Variants in MAP2K5 observed in about 807,000 individuals in gnomAD.
MAP2K5 encodes the protein mitogen-activated protein kinase kinase 5.
A neutral mutation model predicts 83.1 loss-of-function variants in MAP2K5; 49 were observed. The ratio of observed to expected loss-of-function variants is 0.59; its 90% CI spans 0.47 to 0.75. The LOEUF (loss-of-function observed/expected upper bound fraction) is 0.75, where lower values mean the gene tolerates loss of function less well. Ranked by LOEUF, MAP2K5 falls within the 30% of genes least tolerant of loss-of-function variation. The probability of loss-of-function intolerance (pLI) is 0.00; values close to 1 mark genes in which losing one functional copy is unlikely to be tolerated. For missense variants in MAP2K5, 457 were observed against 557.5 expected (o/e 0.82, Z 1.82); for synonymous variants, 202 against 191.8 (o/e 1.05, Z -0.44).
Position 67,715,243 on chromosome 15 carries a change from G to T in MAP2K5, c.1044+11835G>T, listed in dbSNP as rs375969304. ...TCTTTTTTTTGGGCGGGGAGGGGGG[G>T]GGTCTAAAATTGTGTGTAACTTAAT... On this transcript the variant is annotated intron_variant, in intron 16 of 21. Transcript: ENST00000178640. Among the ~76,000 whole-genome samples the T allele has an allele frequency of 8.9e-3, 1,304 of 146,688 alleles. 24 individuals are homozygous for T. Among genetic ancestry groups the T allele is most frequent in the African/African-American group, 0.031 (1,232 of 39,906 alleles).
intron 17 of MAP2K5, 71 bp downstream of exon 17, chr15:67,728,016 T>C: frequency 8.1e-7 from 1 of 1,241,442 alleles, no homozygotes; most frequent in East Asian, 2.3e-5. Context: ...AGGGAGCAAT[T>C]GTGAACATTT....
chr15:67,553,708 T>G (rs2140950196), intron 2 of MAP2K5, among the ~76,000 whole-genome samples: 1 of 151,592 alleles, frequency 6.6e-6, no homozygotes, highest in Non-Finnish European at 1.5e-5. Flanking sequence ...GGTCAGGAGA[T>G]CGAGACCATC....
rs1269282597 is a variant in MAP2K5 at position 67,665,512 on chromosome 15, T to G, written c.847+867T>G. Among the ~76,000 whole-genome samples the G allele has an allele frequency of 2.0e-5, 3 of 152,216 alleles. No homozygotes were observed. The highest frequency in any genetic ancestry group is 2.9e-5 in the Non-Finnish European group (2 of 68,016). On this transcript the variant is annotated intron_variant, in intron 13 of 21. Transcript: ENST00000178640. The surrounding 1 kb of genome is among the most constrained non-coding windows in gnomAD (Gnocchi z 4.2). ...AGGAAAGTTTTTTCTTTTAAGGATA[T>G]AAACTGTGAGATGGAGAAAACAACT...
rs932699286 is a variant in MAP2K5, at chr15:67,607,715, A to T, written c.545+6966A>T. Reference sequence around the variant, plus strand: ...TTGAAAGACACTAAATTTCATTTTTAAAAATCTCATTTATTTAGCCTTTTT... The same window carrying T: ...TTGAAAGACACTAAATTTCATTTTTTAAAATCTCATTTATTTAGCCTTTTT... On this transcript the variant is annotated intron_variant, in intron 8 of 21. Coordinates refer to ENST00000178640, the MANE Select transcript of MAP2K5 (RefSeq NM_145160.3). Among the ~76,000 whole-genome samples, 10 of 152,348 alleles carry T rather than the reference A, an allele frequency of 6.6e-5. No individual in the cohort carries two copies. In the East Asian group the frequency reaches 1.9e-3, roughly 29 times the overall value.
intron 19 of MAP2K5, among the ~76,000 whole-genome samples, chr15:67,765,937 T>C (rs550973445): frequency 6.6e-6 from 1 of 152,366 alleles, no homozygotes; most frequent in Non-Finnish European, 1.5e-5. Flanking sequence ...GTTTCAGTTG[T>C]AATGGGTTGA....
At chr15:67,628,531 A>G (rs2086381380) in intron 8 of MAP2K5, 1 of 833,888 alleles carries the variant, frequency 1.2e-6, no homozygotes, top group African/African-American at 1.7e-5. Context: ...ATATCACCTA[A>G]GAGATTATTT....
rs1173221037 is a variant in MAP2K5 at position 67,777,985 on chromosome 15, G to T, written c.1242+5233G>T. On this transcript the variant is annotated intron_variant, in intron 21 of 21. Transcript: ENST00000178640. The surrounding 1 kb of genome is among the most constrained non-coding windows in gnomAD (Gnocchi z 6.0). ...GTTGGCATGGGTCCTAGAAGGCGGG[G>T]TATCAGTTAAAATCAGAATAGCGCT... Among the ~76,000 whole-genome samples, 1 of 152,196 alleles carries T rather than the reference G, an allele frequency of 6.6e-6. No homozygotes were observed. Among genetic ancestry groups the T allele is most frequent in the Admixed American group, 6.5e-5 (1 of 15,280 alleles).
intron 13 of MAP2K5, among the ~76,000 whole-genome samples, chr15:67,667,462 A>G (rs907065683): frequency 1.2e-4 from 19 of 152,192 alleles, no homozygotes; most frequent in African/African-American, 4.3e-4. Context: ...CACATTGTCA[A>G]ATCAAAAACA....
intron 17 of MAP2K5, among the ~76,000 whole-genome samples, chr15:67,729,036 CACTTTTCAAATTCATAG>C (rs953360007): frequency 1.2e-4 from 19 of 152,222 alleles, no homozygotes; most frequent in Admixed American, 1.1e-3. Flanking sequence ...GTGTTAGTCT[CACTTTTCAAATTCATAG>C]ACTTTTTTGT....
intron 20 of MAP2K5, among the ~76,000 whole-genome samples, chr15:67,771,051 C>T (rs889507793): frequency 2.2e-4 from 34 of 152,138 alleles, no homozygotes; most frequent in African/African-American, 7.5e-4. Context: ...TTTGAAGCTC[C>T]TTAATGATGT....
intron 19 of MAP2K5, among the ~76,000 whole-genome samples, chr15:67,759,533 C>T (rs1417774333): frequency 6.8e-6 from 1 of 147,680 alleles, no homozygotes; most frequent in African/African-American, 2.5e-5. Context: ...GCACTCTAGC[C>T]TGGATGACAG....
In MAP2K5 at chr15:67,748,529, T is replaced by C. The variant is rs981760311; in HGVS notation, c.1102-40T>C. ...TCCACTCCACTGTAAAGATATTGCA[T>C]AGAGGCTAATACTTTTTCCTCTCTT... is the stretch of plus-strand genomic sequence containing the variant. On this transcript the variant is annotated intron_variant, in intron 18 of 21. Coordinates refer to ENST00000178640, the MANE Select transcript of MAP2K5 (RefSeq NM_145160.3). The surrounding 1 kb of genome is among the most constrained non-coding windows in gnomAD (Gnocchi z 4.0). The C allele has an allele frequency of 1.3e-6, 2 of 1,588,352 alleles. No individual in the cohort carries two copies. The highest frequency in any genetic ancestry group is 1.7e-5 in the Admixed American group (1 of 59,708).
At chr15:67,659,705 G>A (rs1054135362) in intron 12 of MAP2K5, among the ~76,000 whole-genome samples, 6 of 151,964 alleles carry the variant, frequency 3.9e-5, no homozygotes, top group Admixed American at 3.3e-4. Context: ...TTAATAACAT[G>A]TATAATAAAG....
Position 67,590,704 on chromosome 15 carries a change from T to C in MAP2K5, c.432-2222T>C, listed in dbSNP as rs190359348. On this transcript the variant is annotated intron_variant, in intron 6 of 21. Transcript: ENST00000178640. The stretch of plus-strand genomic sequence containing the variant: ...CCTGGGCTCAAGCGATCCTCCTTCC[T>C]TGGCATCCCAAAGTGCTGGGATTAC... Among the ~76,000 whole-genome samples, 826 of 152,230 alleles carry C rather than the reference T, an allele frequency of 5.4e-3. 5 individuals are homozygous for C. The highest frequency in any genetic ancestry group is 9.8e-3 in the Non-Finnish European group (668 of 68,016).
chr15:67,731,692 G>C (rs1316941379), intron 17 of MAP2K5, among the ~76,000 whole-genome samples: 1 of 152,148 alleles, frequency 6.6e-6, no homozygotes, highest in Non-Finnish European at 1.5e-5. Context: ...GCCAACTCAG[G>C]CTCAGAGAGG....
intron 13 of MAP2K5, among the ~76,000 whole-genome samples, chr15:67,672,913 T>C (rs1379908673): frequency 2.0e-5 from 3 of 152,108 alleles, no homozygotes; most frequent in African/African-American, 4.8e-5. Context: ...ATTTATTAAA[T>C]AGGGAATCCT....
chr15:67,732,476 C>T (rs1374925348), intron 17 of MAP2K5, among the ~76,000 whole-genome samples: 2 of 152,052 alleles, frequency 1.3e-5, no homozygotes, highest in Non-Finnish European at 2.9e-5. Context: ...AGTACTTTTG[C>T]ATGTATAAAA....
At chr15:67,692,369 G>A (rs896527262) in intron 13 of MAP2K5, 110 bp from the exon 14 acceptor site, 9 of 661,626 alleles carry the variant, frequency 1.4e-5, no homozygotes, top group South Asian at 2.1e-5. Context: ...TTCGGATTGA[G>A]CAGATGATGT....
intron 7 of MAP2K5, 86 bp downstream of exon 7, chr15:67,593,060 A>G: frequency 1.2e-6 from 1 of 836,686 alleles, no homozygotes; most frequent in East Asian, 2.7e-5. Flanking sequence ...TTAAACAGAT[A>G]AAGAGTCTGT....
Sources: gnomAD v4.1 joint callset for allele counts (sites outside exome capture counted in the v4.1 genomes callset) on GRCh38, gnomAD v4.1.1 for gene constraint, Gnocchi (gnomAD v3.1) non-coding constraint, MANE v1.5 for transcripts, NCBI Gene and HGNC (gene_info 2026-07-23, HGNC 2026-07-21) for gene names.